Variants in DUSP11 observed in about 807,000 individuals in gnomAD.
DUSP11 encodes the protein RNA/RNP complex-1-interacting phosphatase.
In DUSP11, 27 loss-of-function variants were observed where a neutral mutation model predicts 41.4. The ratio of observed to expected loss-of-function variants is 0.65; its 90% CI spans 0.48 to 0.90. DUSP11 has a LOEUF of 0.90. Among genes scored for constraint, DUSP11 ranks in the 40% least tolerant of loss-of-function variants. The probability of loss-of-function intolerance (pLI) is 0.00; values close to 1 mark genes in which losing one functional copy is unlikely to be tolerated. For missense variants in DUSP11, 465 were observed against 461.1 expected (o/e 1.01, Z -0.08); for synonymous variants, 188 against 159.3 (o/e 1.18, Z -1.35).
chr2:73,769,352 T>C, intron 4 of DUSP11, 27 bp from the exon 5 acceptor site: 1 of 1,502,458 alleles, frequency 6.7e-7, no homozygotes, highest in African/African-American at 1.4e-5. Context: ...CAGGGTTAAG[T>C]AACTGAAGTA....
At chr2:73,772,661 T>A (rs1412333079) in intron 4 of DUSP11, among the ~76,000 whole-genome samples, 1 of 152,216 alleles carries the variant, frequency 6.6e-6, no homozygotes, top group Non-Finnish European at 1.5e-5. Context: ...AAGGTAGTAT[T>A]TCTGTGACAA....
exon 3 of DUSP11, chr2:73,775,042 A>C (rs1672652307): frequency 5.6e-6 from 9 of 1,608,920 alleles, no homozygotes; most frequent in Non-Finnish European, 7.6e-6. Context: ...TCTTTTCAAA[A>C]CTCTGTCACA....
At chr2:73,765,980 G>C (rs1672451953) in intron 8 of DUSP11, among the ~76,000 whole-genome samples, 1 of 152,164 alleles carries the variant, frequency 6.6e-6, no homozygotes, top group South Asian at 2.1e-4. Context: ...AAAATACAGA[G>C]CAGAATAATA....
intron 5 of DUSP11, 189 bp downstream of exon 5, chr2:73,769,076 G>T: frequency 1.9e-6 from 1 of 520,970 alleles, no homozygotes. Context: ...ATGTATGCTT[G>T]TATCTGCATT....
Position 73,771,660 on chromosome 2 carries a change from A to ATT in DUSP11, c.574+2138_574+2139dup, listed in dbSNP as rs34330062. 6.3e-3 allele frequency among the ~76,000 whole-genome samples: 856 copies of ATT among 134,876 alleles called. 10 individuals carry two copies. The highest frequency in any genetic ancestry group is 0.016 in the African/African-American group (590 of 35,992). The allele number at this position is 134,876 out of a possible 152,430, so 88.5% of individuals were successfully genotyped here. Reference sequence around the variant, plus strand: ...AGGCGCCCGCCACCATGCCTGGGTTATTTTTTTTTTTTTTTGTATTTTTAG... The same window carrying ATT: ...AGGCGCCCGCCACCATGCCTGGGTTATTTTTTTTTTTTTTTTTGTATTTTTAG... On this transcript the variant is annotated intron_variant, in intron 4 of 8. Transcript: ENST00000272444.
intron 8 of DUSP11, among the ~76,000 whole-genome samples, chr2:73,764,756 C>T (rs528113595): frequency 2.2e-4 from 34 of 152,266 alleles, no homozygotes; most frequent in African/African-American, 8.2e-4. Context: ...CACCTGAGGT[C>T]AGGAGTTCAA....
chr2:73,768,773 G>A (rs1031509564), intron 5 of DUSP11: 38 of 479,310 alleles, frequency 7.9e-5, no homozygotes, highest in African/African-American at 5.7e-4. Context: ...TGGCTAACAC[G>A]GTGAAACCAC....
exon 4 of DUSP11, chr2:73,773,910 G>C: frequency 6.2e-7 from 1 of 1,600,198 alleles, no homozygotes; most frequent in Non-Finnish European, 8.5e-7. Flanking sequence ...GTAAGGAACA[G>C]TTTCTGGCAA....
chr2:73,768,349 T>C, intron 5 of DUSP11: 1 of 548,952 alleles, frequency 1.8e-6, no homozygotes, highest in Non-Finnish European at 2.3e-6. Context: ...CCTAGACTGT[T>C]AGGACGCACA....
exon 8 of DUSP11, chr2:73,766,460 C>T (rs754738933): frequency 2.3e-5 from 37 of 1,613,562 alleles, no homozygotes; most frequent in African/African-American, 5.3e-5. Context: ...GTGGAAATGT[C>T]GAGGAGCTGA....
chr2:73,772,786 A>G (rs1001867502), intron 4 of DUSP11, among the ~76,000 whole-genome samples: 2 of 152,242 alleles, frequency 1.3e-5, no homozygotes, highest in Admixed American at 6.5e-5. Context: ...TAAGTGAGCG[A>G]CTAGGTTACA....
At chr2:73,771,380 G>A (rs1245220301) in intron 4 of DUSP11, among the ~76,000 whole-genome samples, 1 of 152,074 alleles carries the variant, frequency 6.6e-6, no homozygotes, top group Admixed American at 6.6e-5. Flanking sequence ...TTCTCATACT[G>A]GCAAAATTCT....
chr2:73,763,973 T>C (rs1171256474), intron 8 of DUSP11, among the ~76,000 whole-genome samples: 5 of 152,234 alleles, frequency 3.3e-5, no homozygotes, highest in Non-Finnish European at 5.9e-5. Context: ...CTGTTAGAAA[T>C]ATAGCAGCTA....
chr2:73,762,783 G>A, exon 9 of DUSP11: 1 of 1,613,534 alleles, frequency 6.2e-7, no homozygotes, highest in East Asian at 2.2e-5. Context: ...TACCTCCTGT[G>A]TGAATAGTCC....
rs553297434 is a variant in DUSP11, at chr2:73,770,494, G to A, written c.575-1169C>T. Among the ~76,000 whole-genome samples the A allele has an allele frequency of 9.0e-4, 132 of 147,108 alleles. 1 individual carries two copies. The highest frequency in any genetic ancestry group is 1.3e-3 in the African/African-American group (53 of 39,872). On this transcript the variant is annotated intron_variant, in intron 4 of 8. Transcript: ENST00000272444. Reference sequence around the variant, plus strand: ...GGTGCCACTGCGCTCCAGCTTTGGCGACAGAGTGAGACTCCATCTCAAAAA... The same window carrying A: ...GGTGCCACTGCGCTCCAGCTTTGGCAACAGAGTGAGACTCCATCTCAAAAA...
intron 8 of DUSP11, among the ~76,000 whole-genome samples, chr2:73,763,854 G>A (rs1672408565): frequency 6.6e-6 from 1 of 152,086 alleles, no homozygotes; most frequent in South Asian, 2.1e-4. Context: ...ATCTTTTTCT[G>A]ACTGTTGAAT....
chr2:73,765,290 G>A (rs1271307437), intron 8 of DUSP11, among the ~76,000 whole-genome samples: 3 of 152,136 alleles, frequency 2.0e-5, no homozygotes, highest in Non-Finnish European at 2.9e-5. Context: ...CCTACTCTTG[G>A]ACATTAGAAC....
chr2:73,778,587 C>T (rs956366998), intron 1 of DUSP11, among the ~76,000 whole-genome samples: 1 of 152,118 alleles, frequency 6.6e-6, no homozygotes, highest in African/African-American at 2.4e-5. Context: ...CGAACACAAG[C>T]CAACACAACA....
chr2:73,775,430 G>C (rs532567825), intron 2 of DUSP11, among the ~76,000 whole-genome samples: 1 of 145,468 alleles, frequency 6.9e-6, no homozygotes, highest in Admixed American at 7.0e-5. Context: ...CCAGGCTGGA[G>C]TGCAGTGACA....
Sources: allele counts gnomAD v4.1 joint callset (sites outside exome capture counted in the v4.1 genomes callset), GRCh38; gene constraint gnomAD v4.1.1; transcripts MANE v1.5; gene names NCBI Gene and HGNC (gene_info 2026-07-23, HGNC 2026-07-21).